ZC3H3: variants seen among roughly 807,000 people sequenced by gnomAD.
ZC3H3 encodes the protein zinc finger CCCH-type containing 3, also known as zinc finger CCCH domain-containing protein 3.
Under a neutral mutation model 77.3 loss-of-function variants are expected in ZC3H3, and 36 were observed. That is an observed-to-expected ratio of 0.47 (90% confidence interval 0.36 to 0.61). ZC3H3 has a LOEUF of 0.61. Ranked by LOEUF, ZC3H3 falls within the 20% of genes least tolerant of loss-of-function variation. ZC3H3 has a pLI of 0.00. For synonymous variants in ZC3H3, 626 were observed against 555.2 expected (o/e 1.13, Z -1.79); for missense variants, 1,331 against 1,312.2 (o/e 1.01, Z -0.22).
chr8:143,482,547 G>C (rs1253372540), intron 4 of ZC3H3, among the ~76,000 whole-genome samples: 1 of 152,204 alleles, frequency 6.6e-6, no homozygotes, highest in Non-Finnish European at 1.5e-5. Context: ...ACCTGTGGCA[G>C]AGAGGTGGCT....
Position 143,498,527 on chromosome 8 carries a change from C to T in ZC3H3, c.1715+9219G>A, listed in dbSNP as rs978025014. 3.1e-4 allele frequency among the ~76,000 whole-genome samples: 47 copies of T among 151,740 alleles called. 1 individual carries two copies. Among genetic ancestry groups the T allele is most frequent in the Admixed American group, 2.4e-3 (37 of 15,276 alleles). ...TGGTGGCTCCAGGATGCCCCCAGAG[C>T]TGTGCTAGGACATACAAGTAGGCAG... On this transcript the variant is annotated intron_variant, in intron 4 of 11. Coordinates refer to ENST00000262577, the MANE Select transcript of ZC3H3 (RefSeq NM_015117.3).
chr8:143,521,080 A>G (rs996050841), intron 3 of ZC3H3, among the ~76,000 whole-genome samples: 4 of 152,000 alleles, frequency 2.6e-5, no homozygotes, highest in Admixed American at 6.5e-5. Context: ...AGACCCTGGG[A>G]GGGGCAGGCC....
intron 3 of ZC3H3, among the ~76,000 whole-genome samples, chr8:143,509,155 T>C (rs985905506): frequency 2.6e-5 from 4 of 152,182 alleles, no homozygotes; most frequent in Non-Finnish European, 5.9e-5. Context: ...TCAGGAACAC[T>C]TGGCCCCAAC....
chr8:143,500,260 G>A (rs1355197880), intron 4 of ZC3H3, among the ~76,000 whole-genome samples: 1 of 152,242 alleles, frequency 6.6e-6, no homozygotes, highest in Non-Finnish European at 1.5e-5. Context: ...GGCAGAGCCT[G>A]CCTGCTCAAA....
In ZC3H3 at chr8:143,442,208, G is replaced by A. The variant is rs552720470; in HGVS notation, c.2308-1088C>T. ...CCCTGGATCCTGTGGTGTGGCCCCC[G>A]CCATACCCCCAGGTGGAAGCCAGGC... is the stretch of plus-strand genomic sequence containing the variant. On this transcript the variant is annotated intron_variant, in intron 9 of 11. Coordinates refer to ENST00000262577, the MANE Select transcript of ZC3H3 (RefSeq NM_015117.3). 1.8e-4 allele frequency among the ~76,000 whole-genome samples: 27 copies of A among 152,150 alleles called. No homozygotes were observed. In the East Asian group the frequency reaches 4.8e-3, roughly 27 times the overall value.
chr8:143,473,869 G>A (rs1820649027), intron 5 of ZC3H3, among the ~76,000 whole-genome samples: 1 of 152,198 alleles, frequency 6.6e-6, no homozygotes, highest in Non-Finnish European at 1.5e-5. Flanking sequence ...AGACTGGCCA[G>A]GGGCTTATAC....
chr8:143,502,007 T>C lies in ZC3H3; in HGVS notation c.1715+5739A>G, dbSNP rs976477090. 3.9e-5 allele frequency among the ~76,000 whole-genome samples: 6 copies of C among 152,228 alleles called. 1 individual carries two copies. The highest frequency in any genetic ancestry group is 4.1e-4 in the South Asian group (2 of 4,838). On this transcript the variant is annotated intron_variant, in intron 4 of 11. Coordinates refer to ENST00000262577, the MANE Select transcript of ZC3H3 (RefSeq NM_015117.3). Reference sequence around the variant, plus strand: ...TGGTCCTGAGGTGGGGCCCTCATGATGGGACGAGCATCCTCATAAGAGACC... The same window carrying C: ...TGGTCCTGAGGTGGGGCCCTCATGACGGGACGAGCATCCTCATAAGAGACC...
At chr8:143,535,753 G>A (rs10098046) in intron 3 of ZC3H3, among the ~76,000 whole-genome samples, 36,250 of 152,174 alleles carry the variant, frequency 0.24, 4,727 homozygotes, top group African/African-American at 0.34. Context: ...GGCGTGACTG[G>A]GCACACTTAG....
chr8:143,533,800 C>T lies in ZC3H3; in HGVS notation c.1561+2457G>A, dbSNP rs1205418563. Among the ~76,000 whole-genome samples the T allele has an allele frequency of 2.6e-5, 4 of 151,994 alleles. No individual in the cohort carries two copies. Among genetic ancestry groups the T allele is most frequent in the African/African-American group, 7.2e-5 (3 of 41,396 alleles). On this transcript the variant is annotated intron_variant, in intron 3 of 11. Coordinates refer to ENST00000262577, the MANE Select transcript of ZC3H3 (RefSeq NM_015117.3). The surrounding 1 kb of genome is among the most constrained non-coding windows in gnomAD (Gnocchi z 4.0). ...AAGTGATTCTCCTGCCTCAGCCTCC[C>T]GAGTAGATGGGATTACAGACGCTCG...
At chr8:143,461,877 G>T (rs956773857) in intron 9 of ZC3H3, among the ~76,000 whole-genome samples, 1 of 151,978 alleles carries the variant, frequency 6.6e-6, no homozygotes, top group Non-Finnish European at 1.5e-5. Context: ...GCTGCGCTGT[G>T]GTGCAGCTGT....
At chr8:143,452,278 C>T (rs1225671689) in intron 9 of ZC3H3, among the ~76,000 whole-genome samples, 2 of 152,186 alleles carry the variant, frequency 1.3e-5, no homozygotes, top group Non-Finnish European at 2.9e-5. Context: ...GGAAGAGGCA[C>T]TGTGGAACTC....
rs1312463188 is a variant in ZC3H3, at chr8:143,538,274, C to A, written c.1093G>T (p.Ala365Ser). 1.2e-6 allele frequency: 2 copies of A among 1,612,886 alleles called. No individual in the cohort carries two copies. Among genetic ancestry groups the A allele is most frequent in the East Asian group, 4.5e-5 (2 of 44,900 alleles). ...GCAGACCCTGGCTTGGAGGACGTGG[C>A]TGGCTTCCTGGGCTTGGGCTCTGGG... ...ADPEPKPRKP[A>S]TSSKPGSAPS... The change falls in exon 2 of 12, where the codon GCC (alanine) becomes TCC (serine). Residue 365 changes from alanine to serine, a missense_variant. By Grantham distance (99) the Ala-to-Ser change is moderately conservative. Around this residue, in one of 3 missense-constraint regions of ZC3H3, gnomAD observed 978 missense variants for 915.5 expected, o/e 1.07. Transcript: ENST00000262577.
Position 143,507,970 on chromosome 8 carries a change from C to T in ZC3H3, c.1562-71G>A. 4.1e-6 allele frequency: 6 copies of T among 1,459,066 alleles called. No individual in the cohort carries two copies. The South Asian group carries it at 8.4e-5, about 20-fold the overall frequency. 90.4% of individuals were successfully genotyped at this position (1,459,066 alleles called of 1,614,324 possible). A position where few individuals can be genotyped will look rare whatever the true frequency, so the allele number is the denominator to read the frequency against. The stretch of plus-strand genomic sequence containing the variant: ...CAAGGGTAGGGTCAGAGAGGCCACC[C>T]ACAGTGCCAGCTCTGCCCACCGCCT... On this transcript the variant is annotated intron_variant, in intron 3 of 11. Transcript: ENST00000262577.
At chr8:143,514,523 G>A (rs544983176) in intron 3 of ZC3H3, among the ~76,000 whole-genome samples, 13 of 152,346 alleles carry the variant, frequency 8.5e-5, no homozygotes, top group East Asian at 1.9e-4. Context: ...CACGGTGGGC[G>A]GTGGGCATGC....
intron 8 of ZC3H3, among the ~76,000 whole-genome samples, chr8:143,467,339 T>C (rs1820437577): frequency 6.6e-6 from 1 of 152,146 alleles, no homozygotes; most frequent in African/African-American, 2.4e-5. Flanking sequence ...ACAATAACAT[T>C]AATTCAGGGC....
At chr8:143,519,807 C>G (rs965278142) in intron 3 of ZC3H3, among the ~76,000 whole-genome samples, 1 of 152,202 alleles carries the variant, frequency 6.6e-6, no homozygotes, top group African/African-American at 2.4e-5. Context: ...GGACTCATCA[C>G]GGGCCCAAAG....
At position 143,465,744 on chromosome 8, in the gene ZC3H3, G is replaced by A. The variant is rs553538132; in HGVS notation, c.2280C>T (p.Leu760=). 117 of 1,613,952 alleles carry A rather than the reference G, an allele frequency of 7.2e-5. 1 individual carries two copies. The South Asian group carries it at 1.2e-3, about 16-fold the overall frequency. Residue 760 remains leucine (L), a synonymous_variant, in exon 9 of 12, where the codon CTC becomes CTT. Transcript: ENST00000262577. ...SRKAEVCSDF[L]KGYCPLGAKC... ...TTGCACCCAGGGGGCAGTAGCCTTT[G>A]AGGAAGTCGCTGCAGACCTCGGCCT...
intron 3 of ZC3H3, among the ~76,000 whole-genome samples, chr8:143,516,566 C>T (rs558529311): frequency 0.017 from 1,608 of 92,860 alleles, 33 homozygotes; most frequent in African/African-American, 0.071. Context: ...CACACACACA[C>T]ATACACACAC....
intron 5 of ZC3H3, among the ~76,000 whole-genome samples, chr8:143,474,989 A>G (rs776380311): frequency 6.6e-6 from 1 of 152,142 alleles, no homozygotes. Context: ...AAAGCGAAAC[A>G]TGGTGCTTGT....
Sources: allele counts gnomAD v4.1 joint callset (sites outside exome capture counted in the v4.1 genomes callset), GRCh38; gene constraint gnomAD v4.1.1; regional missense constraint gnomAD v4.1.1; non-coding constraint Gnocchi (gnomAD v3.1); transcripts MANE v1.5; gene names NCBI Gene and HGNC (gene_info 2026-07-23, HGNC 2026-07-21).